Variants in MYO16 observed in about 807,000 individuals in gnomAD.
The protein encoded by MYO16 is unconventional myosin-XVI.
A neutral mutation model predicts 205.3 loss-of-function variants in MYO16; 94 were observed. That is an observed-to-expected ratio of 0.46 (90% CI 0.39 to 0.54). The LOEUF (loss-of-function observed/expected upper bound fraction) is 0.54, where lower values mean the gene tolerates loss of function less well. Ranked by LOEUF, MYO16 falls within the 20% of genes least tolerant of loss-of-function variation. The pLI is 0.00. For synonymous variants in MYO16, 988 were observed against 954.0 expected (o/e 1.04, Z -0.66); for missense variants, 2,315 against 2,387.5 (o/e 0.97, Z 0.63).
intron 15 of MYO16, among the ~76,000 whole-genome samples, chr13:108,908,106 C>T (rs1881078517): frequency 6.6e-6 from 1 of 152,030 alleles, no homozygotes; most frequent in African/African-American, 2.4e-5. Context: ...AAATTGCCAC[C>T]TAATTGATTC....
intron 1 of MYO16, chr13:108,659,224 A>G (rs1277984108): frequency 6.4e-6 from 1 of 156,632 alleles, no homozygotes; most frequent in Non-Finnish European, 1.3e-5. Context: ...GTATATATAT[A>G]TGATATATAT....
At chr13:108,519,549 T>C in the MYO16 span, among the ~76,000 whole-genome samples, 1 of 151,878 alleles carries the variant, frequency 6.6e-6, no homozygotes, top group African/African-American at 2.4e-5. Context: ...TGTATAGATA[T>C]CATACATAAA....
chr13:108,969,991 T>C (rs1883948407), intron 20 of MYO16, among the ~76,000 whole-genome samples: 1 of 152,222 alleles, frequency 6.6e-6, no homozygotes, highest in Non-Finnish European at 1.5e-5. Context: ...CTGTTTCTAA[T>C]GTAATATTGA....
At chr13:108,589,817 T>C in the MYO16 span, among the ~76,000 whole-genome samples, 2 of 152,194 alleles carry the variant, frequency 1.3e-5, no homozygotes, top group African/African-American at 4.8e-5. Context: ...TCAGCAAGAA[T>C]AGTTCAAAAA....
intron 22 of MYO16, among the ~76,000 whole-genome samples, chr13:109,015,818 C>T (rs1885792365): frequency 6.6e-6 from 1 of 152,104 alleles, no homozygotes; most frequent in Non-Finnish European, 1.5e-5. Context: ...TCCCCTTTAT[C>T]ATTTTTTATT....
chr13:108,932,174 CT>C (rs1259340531), intron 16 of MYO16, among the ~76,000 whole-genome samples: 2 of 152,046 alleles, frequency 1.3e-5, no homozygotes, highest in Non-Finnish European at 2.9e-5. Flanking sequence ...TCAAATCTGT[CT>C]TTTTCTCAAA....
the MYO16 span, among the ~76,000 whole-genome samples, chr13:108,575,357 A>C: frequency 6.6e-6 from 1 of 152,150 alleles, no homozygotes; most frequent in African/African-American, 2.4e-5. Flanking sequence ...CTTTGCCTGC[A>C]CACCTCTAGG....
intron 27 of MYO16, among the ~76,000 whole-genome samples, chr13:109,087,422 G>A (rs1369981659): frequency 1.3e-5 from 2 of 152,222 alleles, no homozygotes; most frequent in Non-Finnish European, 2.9e-5. Context: ...GAGGTGGGCT[G>A]ATCAGCTGAG....
In MYO16 at chr13:108,831,937, A is replaced by G. The variant is rs574080173; in HGVS notation, c.1097+8659A>G. On this transcript the variant is annotated intron_variant, in intron 9 of 34. Transcript: ENST00000457511. ...TTTTCTTGTTATGTGAGAAAAATCA[A>G]TGTCCATTTCCTTAAGATACTATTC... 5.3e-5 allele frequency among the ~76,000 whole-genome samples: 8 copies of G among 152,268 alleles called. No individual in the cohort carries two copies. In the South Asian group the frequency reaches 6.2e-4, roughly 12 times the overall value.
At chr13:108,756,304 T>C (rs1885420668) in intron 4 of MYO16, among the ~76,000 whole-genome samples, 1 of 152,106 alleles carries the variant, frequency 6.6e-6, no homozygotes, top group South Asian at 2.1e-4. Context: ...TATAAAATCC[T>C]TTGAATTATA....
chr13:109,030,634 G>A (rs534784735), intron 23 of MYO16, among the ~76,000 whole-genome samples: 63 of 152,186 alleles, frequency 4.1e-4, no homozygotes, highest in African/African-American at 1.5e-3. Context: ...AGAGCAGGGA[G>A]CTTATCGACT....
chr13:108,611,976 T>C (rs970781586), intron 1 of MYO16, among the ~76,000 whole-genome samples: 25 of 82,418 alleles, frequency 3.0e-4, no homozygotes, highest in East Asian at 1.1e-3. Context: ...TTTTTTCTTT[T>C]TTTTTTTTTT....
At chr13:108,496,940 G>C in the MYO16 span, among the ~76,000 whole-genome samples, 403 of 152,340 alleles carry the variant, frequency 2.6e-3, 18 homozygotes, top group South Asian at 0.081. Context: ...GGGAAGCCCG[G>C]AGCCTCTTCT....
rs201392314 is a variant in MYO16 at position 108,888,415 on chromosome 13, A to G, written c.1597A>G (p.Ile533Val). ...SGKSEASKQI[I>V]RHLTCRAGAS... ...AAAGTCTGAAGCCAGCAAACAAATCATAAGACACCTCACCTGCAGGGCTGG... is the reference window on the plus strand; with the variant it reads ...AAAGTCTGAAGCCAGCAAACAAATCGTAAGACACCTCACCTGCAGGGCTGG... The change falls in exon 14 of 35, where the codon ATA (isoleucine) becomes GTA (valine). Residue 533 changes from isoleucine to valine, a missense_variant. Physicochemically the swap from Ile to Val is conservative, Grantham distance 29. This residue lies in a region of MYO16 where 1,213 missense variants were observed against 1,274.4 expected (regional missense o/e 0.95). Coordinates refer to ENST00000457511, the MANE Select transcript of MYO16 (RefSeq NM_001198950.3). 72 of 1,610,424 alleles carry G rather than the reference A, an allele frequency of 4.5e-5. No homozygotes were observed. Among genetic ancestry groups the G allele is most frequent in the East Asian group, 2.2e-5 (1 of 44,616 alleles).
intron 16 of MYO16, among the ~76,000 whole-genome samples, chr13:108,915,888 C>T (rs1010543853): frequency 3.9e-5 from 6 of 152,116 alleles, no homozygotes; most frequent in East Asian, 1.9e-4. Flanking sequence ...TGAGTCACCG[C>T]GCGCTTGAAC....
chr13:109,204,715 A>T (rs763585169), intron 34 of MYO16, among the ~76,000 whole-genome samples: 1 of 152,320 alleles, frequency 6.6e-6, no homozygotes, highest in African/African-American at 2.4e-5. Flanking sequence ...AACACATCCC[A>T]TGGACTCTTG....
At chr13:108,545,009 T>C in the MYO16 span, among the ~76,000 whole-genome samples, 2 of 152,248 alleles carry the variant, frequency 1.3e-5, no homozygotes, top group East Asian at 3.9e-4. Context: ...TTTTTAATTT[T>C]ACTTTTTATT....
At chr13:108,840,915 G>A (rs1877209584) in intron 9 of MYO16, among the ~76,000 whole-genome samples, 1 of 152,134 alleles carries the variant, frequency 6.6e-6, no homozygotes, top group Non-Finnish European at 1.5e-5. Flanking sequence ...TCAAAATAAA[G>A]GTACTTGTTT....
chr13:109,144,841 G>A (rs183959514), intron 32 of MYO16, among the ~76,000 whole-genome samples: 6 of 152,278 alleles, frequency 3.9e-5, no homozygotes, highest in Admixed American at 3.3e-4. Context: ...AGTTATTTCT[G>A]GTTGAAATAT....
Sources: allele counts gnomAD v4.1 joint callset (sites outside exome capture counted in the v4.1 genomes callset), GRCh38; gene constraint gnomAD v4.1.1; regional missense constraint gnomAD v4.1.1; transcripts MANE v1.5; gene names NCBI Gene and HGNC (gene_info 2026-07-23, HGNC 2026-07-21).